The following ASPHD1 variants were observed in gnomAD, a reference collection of about 807,000 sequenced individuals.
The protein encoded by ASPHD1 is aspartate beta-hydroxylase domain-containing protein 1.
A neutral mutation model predicts 28.3 loss-of-function variants in ASPHD1; 20 were observed. The ratio of observed to expected loss-of-function variants is 0.71; its 90% CI spans 0.50 to 1.03. The LOEUF is 1.03. Ranked by LOEUF, ASPHD1 falls within the 50% of genes least tolerant of loss-of-function variation. The pLI is 0.00. For synonymous variants in ASPHD1, 240 were observed against 221.2 expected, an observed-to-expected ratio of 1.08 and a Z score of -0.75; for missense variants, 479 against 524.1, an observed-to-expected ratio of 0.91 and a Z score of 0.84.
chr16:29,918,126 T>C (rs934290535), intron 3 of ASPHD1, among the ~76,000 whole-genome samples: 4 of 152,220 alleles, frequency 2.6e-5, no homozygotes, highest in Non-Finnish European at 5.9e-5. Flanking sequence ...TCTCATGTAA[T>C]AATGTTGAAG....
chr16:29,910,861 C>T, downstream of ASPHD1: 1 of 896,286 alleles, frequency 1.1e-6, no homozygotes. Context: ...CCCCAGACCC[C>T]AGGATCTGGC....
rs1183623109 is a variant in ASPHD1 at position 29,904,856 on chromosome 16, A to G, written c.954A>G (p.Leu318=). Residue 318 remains leucine, a synonymous_variant, in exon 2 of 3, where the codon CTA becomes CTG. Coordinates refer to ENST00000308748, the MANE Select transcript of ASPHD1 (RefSeq NM_181718.4). ...TGCCCGCGTCTCTTCTTACAGGCCTAAAGATCCCTCCTGGCTGTGAGCTGG... is the reference window on the plus strand; with the variant it reads ...TGCCCGCGTCTCTTCTTACAGGCCTGAAGATCCCTCCTGGCTGTGAGCTGG... ...TNARVRCHLG[L]KIPPGCELVV... 1 of 1,610,678 alleles carries G rather than the reference A, an allele frequency of 6.2e-7. No individual in the cohort carries two copies. Among genetic ancestry groups the G allele is most frequent in the Admixed American group, 1.7e-5 (1 of 59,012 alleles).
intron 1 of ASPHD1, among the ~76,000 whole-genome samples, chr16:29,902,857 A>G (rs1301704262): frequency 1.4e-5 from 2 of 146,904 alleles, no homozygotes; most frequent in Non-Finnish European, 3.0e-5. Context: ...TGTCAAAGTT[A>G]CAGTAGCACC....
At chr16:29,916,811 A>C (rs1391954927) in intron 3 of ASPHD1, among the ~76,000 whole-genome samples, 2 of 152,214 alleles carry the variant, frequency 1.3e-5, no homozygotes, top group African/African-American at 4.8e-5. Flanking sequence ...ATGAAGCTGC[A>C]GTCTGGATTT....
At chr16:29,913,007 C>T (rs1360525764) in intron 3 of ASPHD1, 1 of 152,162 alleles carries the variant, frequency 6.6e-6, no homozygotes, top group African/African-American at 2.4e-5. Flanking sequence ...CTTCTCCCAA[C>T]CTTGAAAACT....
chr16:29,911,077 C>T, intron 3 of ASPHD1: 1 of 1,614,176 alleles, frequency 6.2e-7, no homozygotes. Context: ...AGATCTCGTC[C>T]CCCAGGACAT....
downstream of ASPHD1, chr16:29,907,185 G>T: frequency 1.0e-6 from 1 of 991,560 alleles, no homozygotes. Context: ...TAGGGCCCCT[G>T]CACCAACACA....
chr16:29,912,282 G>C, intron 3 of ASPHD1: 1 of 572,474 alleles, frequency 1.7e-6, no homozygotes, highest in Non-Finnish European at 3.0e-6. Context: ...CCGGCCACTG[G>C]CTGTGCCCCT....
In ASPHD1 at chr16:29,904,658, G is replaced by A. The variant is rs182116758; in HGVS notation, c.950-194G>A. ...GATGGGTCACACTACCCACAGCAGCGTTTCCCTAATCTCCTAGCACTTCCC... is the reference window on the plus strand; with the variant it reads ...GATGGGTCACACTACCCACAGCAGCATTTCCCTAATCTCCTAGCACTTCCC... On this transcript the variant is annotated intron_variant, in intron 1 of 2. Transcript: ENST00000308748. Among the ~76,000 whole-genome samples, 148 of 150,866 alleles carry A rather than the reference G, an allele frequency of 9.8e-4. 3 individuals are homozygous for A. In the South Asian group the frequency reaches 0.017, roughly 17 times the overall value.
intron 2 of ASPHD1, among the ~76,000 whole-genome samples, 159 bp from the exon 3 acceptor site, chr16:29,905,629 G>GAAAAAAA (rs770029376): frequency 2.0e-5 from 1 of 49,764 alleles, no homozygotes; most frequent in African/African-American, 7.5e-5. Flanking sequence ...TCCATCTCAG[G>GAAAAAAA]AAAAAAAAAA....
In ASPHD1 at chr16:29,900,720, C is replaced by T. The variant is rs2068528692; in HGVS notation, c.-252C>T. 1 of 562,718 alleles carries T rather than the reference C, an allele frequency of 1.8e-6. No individual in the cohort carries two copies. The highest frequency in any genetic ancestry group is 3.1e-6 in the Non-Finnish European group (1 of 319,090). The allele number at this position is 562,718 out of a possible 1,614,324, so 34.9% of individuals were successfully genotyped here. A position where few individuals can be genotyped will look rare whatever the true frequency, so the allele number is the denominator to read the frequency against. Reference sequence around the variant, plus strand: ...CGGAGGAAGACAGGCTGCGGGTTCCCGGGACTGCAGGTCCAGGCAGGGTAG... The same window carrying T: ...CGGAGGAAGACAGGCTGCGGGTTCCTGGGACTGCAGGTCCAGGCAGGGTAG... On this transcript the variant is annotated 5_prime_UTR_variant, in exon 1 of 3. Transcript: ENST00000308748.
rs2068538630 is a variant in ASPHD1 at position 29,901,132 on chromosome 16, C to T, written c.161C>T (p.Pro54Leu). Residue 54 changes from proline (P) to leucine (L), a missense_variant, in exon 1 of 3, where the codon CCG (proline) becomes CTG (leucine). Pro to Leu is a moderately conservative substitution (Grantham distance 98). Transcript: ENST00000308748. This position sits in a 1 kb window ranked among gnomAD's most constrained non-coding sequence, Gnocchi z 5.1. The part of the protein sequence containing the change: ...GELGGQGNWG[P>L]EDAPGLLARA... ...CTGGGGGGACAGGGGAACTGGGGTC[C>T]GGAGGACGCCCCAGGCCTCTTGGCC... 1 of 1,608,900 alleles carries T rather than the reference C, an allele frequency of 6.2e-7. No homozygotes were observed. Among genetic ancestry groups the T allele is most frequent in the Non-Finnish European group, 8.5e-7 (1 of 1,177,552 alleles).
chr16:29,901,517 A>G lies in ASPHD1; in HGVS notation c.546A>G (p.Leu182=). Residue 182 remains leucine (L), a synonymous_variant, in exon 1 of 3, where the codon CTA becomes CTG. Coordinates refer to ENST00000308748, the MANE Select transcript of ASPHD1 (RefSeq NM_181718.4). The surrounding 1 kb of genome is among the most constrained non-coding windows in gnomAD (Gnocchi z 5.1). ...GPGPGRGPGV[L]GIQRPGLLFL... ...GCCCTGGGAGAGGGCCAGGGGTCCT[A>G]GGTATTCAGCGCCCAGGCCTGCTTT... 6.3e-7 allele frequency: 1 copy of G among 1,591,228 alleles called. No homozygotes were observed. The highest frequency in any genetic ancestry group is 2.2e-5 in the East Asian group (1 of 44,718).
At chr16:29,905,180 G>C in intron 2 of ASPHD1, 1 of 465,770 alleles carries the variant, frequency 2.1e-6, no homozygotes, top group South Asian at 2.5e-5. Flanking sequence ...ATAATATTAC[G>C]TACACAGAAA....
At chr16:29,916,124 A>T (rs1171165518) in intron 3 of ASPHD1, among the ~76,000 whole-genome samples, 1 of 152,180 alleles carries the variant, frequency 6.6e-6, no homozygotes, top group African/African-American at 2.4e-5. Flanking sequence ...CAGTGTTGCT[A>T]AACTTTCTGC....
At chr16:29,915,702 C>A (rs1026976247) in intron 3 of ASPHD1, among the ~76,000 whole-genome samples, 4 of 152,120 alleles carry the variant, frequency 2.6e-5, no homozygotes, top group Non-Finnish European at 5.9e-5. Flanking sequence ...AAAGACAACA[C>A]CTTTAACCTT....
rs2068536835 is a variant in ASPHD1, at chr16:29,901,077, G to C, written c.106G>C (p.Gly36Arg). The stretch of plus-strand genomic sequence containing the variant: ...GGGAAACAGTCCAGCGGGGAGCCAG[G>C]GGGCAGCCATGGAAGGGACAGGTGG... ...WKGNSPAGSQGAAMEGTGGEL... is the reference protein window; with the variant it reads ...WKGNSPAGSQRAAMEGTGGEL... Residue 36 changes from glycine to arginine, a missense_variant, in exon 1 of 3, where the codon GGG (glycine) becomes CGG (arginine). Coordinates refer to ENST00000308748, the MANE Select transcript of ASPHD1 (RefSeq NM_181718.4). The surrounding 1 kb of genome is among the most constrained non-coding windows in gnomAD (Gnocchi z 5.1). 3 of 1,611,630 alleles carry C rather than the reference G, an allele frequency of 1.9e-6. No individual in the cohort carries two copies. Among genetic ancestry groups the C allele is most frequent in the African/African-American group, 2.7e-5 (2 of 74,904 alleles).
chr16:29,901,583 C>T lies in ASPHD1; in HGVS notation c.612C>T (p.Asp204=). Residue 204 remains aspartate (D), a synonymous_variant, in exon 1 of 3, where the codon GAC becomes GAT. Transcript: ENST00000308748. The surrounding 1 kb of genome is among the most constrained non-coding windows in gnomAD (Gnocchi z 5.1). The part of the protein sequence containing the change: ...DLPSAPFVPR[D]AQRHDVELLE... ...CTTCAGCCCCCTTTGTGCCGCGGGA[C>T]GCCCAGCGGCACGACGTGGAGCTCC... 1 of 1,542,094 alleles carries T rather than the reference C, an allele frequency of 6.5e-7. No homozygotes were observed. The highest frequency in any genetic ancestry group is 8.7e-7 in the Non-Finnish European group (1 of 1,152,694).
chr16:29,901,016 G>T lies in ASPHD1; in HGVS notation c.45G>T (p.Arg15=). 1 of 1,571,444 alleles carries T rather than the reference G, an allele frequency of 6.4e-7. No homozygotes were observed. Among genetic ancestry groups the T allele is most frequent in the Non-Finnish European group, 8.6e-7 (1 of 1,157,638 alleles). ...GCTTCAGCGTGGAGAGAGGACCGCG[G>T]AAGGAGAGAGAGACAGCCCAGAGTG... is the stretch of plus-strand genomic sequence containing the variant. ...RGSFSVERGP[R]KERETAQSGM... is the part of the protein sequence containing the mutation. Residue 15 remains arginine, a synonymous_variant, in exon 1 of 3, where the codon CGG becomes CGT. Coordinates refer to ENST00000308748, the MANE Select transcript of ASPHD1 (RefSeq NM_181718.4). This position sits in a 1 kb window ranked among gnomAD's most constrained non-coding sequence, Gnocchi z 5.1.
Sources: allele counts gnomAD v4.1 joint callset (sites outside exome capture counted in the v4.1 genomes callset), GRCh38; gene constraint gnomAD v4.1.1; non-coding constraint Gnocchi (gnomAD v3.1); transcripts MANE v1.5; gene names NCBI Gene and HGNC (gene_info 2026-07-23, HGNC 2026-07-21).